SCYL3: variants seen among roughly 807,000 people sequenced by gnomAD.
The protein encoded by SCYL3 is protein-associating with the carboxyl-terminal domain of ezrin.
A neutral mutation model predicts 73.8 loss-of-function variants in SCYL3; 35 were observed. The ratio of observed to expected loss-of-function variants is 0.47; its 90% CI spans 0.36 to 0.63. SCYL3 has a LOEUF of 0.63. Ranked by LOEUF, SCYL3 falls within the 20% of genes least tolerant of loss-of-function variation. The pLI is 0.00. For synonymous variants in SCYL3, 277 were observed against 295.2 expected (o/e 0.94, Z 0.63); for missense variants, 712 against 798.9 (o/e 0.89, Z 1.31).
chr1:169,869,976 C>T (rs927375930), intron 6 of SCYL3, among the ~76,000 whole-genome samples: 1 of 152,160 alleles, frequency 6.6e-6, no homozygotes, highest in Non-Finnish European at 1.5e-5. Flanking sequence ...TACATTTAGA[C>T]CGCTTAAGTA....
intron 12 of SCYL3, 91 bp downstream of exon 12, chr1:169,854,179 A>C: frequency 5.1e-6 from 5 of 973,536 alleles, no homozygotes; most frequent in Non-Finnish European, 7.5e-6. Context: ...GGAAAATAGC[A>C]TGTTGCTTGT....
intron 2 of SCYL3, among the ~76,000 whole-genome samples, chr1:169,880,285 T>G (rs1443414880): frequency 1.3e-5 from 2 of 152,206 alleles, no homozygotes; most frequent in Non-Finnish European, 2.9e-5. Context: ...TAGCCAAATT[T>G]AAATTTTACA....
In SCYL3 at chr1:169,851,313, A is replaced by T. The variant is rs1299301228; in HGVS notation, c.*2400T>A. On this transcript the variant is annotated 3_prime_UTR_variant, in exon 13 of 13. Transcript: ENST00000367771. ...TATATTTTACATATATTACATATAT[A>T]TTTTTTTAGGTGAAATGGGCCCACT... 1 of 152,200 alleles carries T rather than the reference A, an allele frequency of 6.6e-6. No individual in the cohort carries two copies. Among genetic ancestry groups the T allele is most frequent in the Non-Finnish European group, 1.5e-5 (1 of 68,076 alleles). 9.4% of individuals were successfully genotyped at this position (152,200 alleles called of 1,614,324 possible).
Position 169,859,122 on chromosome 1 carries a change from C to T in SCYL3, c.1231G>A (p.Val411Met). The change falls in exon 11 of 13, where the codon GTG becomes ATG. Residue 411 changes from valine to methionine, a missense_variant. Physicochemically the swap from Val to Met is conservative, Grantham distance 21 (BLOSUM62 1). Coordinates refer to ENST00000367771, the MANE Select transcript of SCYL3 (RefSeq NM_020423.7). ...AVLVSLLGPE[V>M]VVGGERTKIF... ...TTGGTTCGTTCTCCTCCCACAACCA[C>T]CTCTGGTCCAAGCAGAGAGACCAGC... 1.2e-6 allele frequency: 2 copies of T among 1,614,074 alleles called. No individual in the cohort carries two copies. Among genetic ancestry groups the T allele is most frequent in the Non-Finnish European group, 1.7e-6 (2 of 1,180,012 alleles).
At chr1:169,864,550 CTG>C in intron 8 of SCYL3, 42 bp from the exon 9 acceptor site, 1 of 1,542,102 alleles carries the variant, frequency 6.5e-7, no homozygotes, top group Non-Finnish European at 8.7e-7. Flanking sequence ...GGTCATGACA[CTG>C]TATCAGCTTA....
rs1441290698 is a variant in SCYL3, at chr1:169,888,704, T to A, written c.137A>T (p.Asn46Ile). The A allele has an allele frequency of 6.2e-7, 1 of 1,614,062 alleles. No homozygotes were observed. The highest frequency in any genetic ancestry group is 8.5e-7 in the Non-Finnish European group (1 of 1,179,934). ...GGCAGCTTTATTAACCTTGTCTTCATTTTCTCTCTTATACACAAAAACTGA... is the reference window on the plus strand; with the variant it reads ...GGCAGCTTTATTAACCTTGTCTTCAATTTCTCTCTTATACACAAAAACTGA... ...FASVFVYKRENEDKVNKAAKH... is the reference protein window; with the variant it reads ...FASVFVYKREIEDKVNKAAKH... The change falls in exon 2 of 13, where the codon AAT (asparagine) becomes ATT (isoleucine). Residue 46 changes from asparagine (N) to isoleucine (I), a missense_variant. Around this residue, in one of 2 missense-constraint regions of SCYL3, gnomAD observed 342 missense variants for 448.1 expected, o/e 0.76. Transcript: ENST00000367771.
chr1:169,893,761 G>T (rs1662259361), intron 1 of SCYL3, 27 bp downstream of exon 1: 1 of 152,224 alleles, frequency 6.6e-6, no homozygotes, highest in East Asian at 1.9e-4. Context: ...GCAAGGACTG[G>T]GGGCGCAGCG....
At chr1:169,866,293 C>G (rs943589631) in intron 8 of SCYL3, among the ~76,000 whole-genome samples, 1 of 152,210 alleles carries the variant, frequency 6.6e-6, no homozygotes, top group Admixed American at 6.5e-5. Flanking sequence ...TATTTACTGC[C>G]TGGACTACCA....
chr1:169,868,213 C>T (rs906085408), intron 7 of SCYL3, among the ~76,000 whole-genome samples: 1 of 152,190 alleles, frequency 6.6e-6, no homozygotes, highest in Non-Finnish European at 1.5e-5. Flanking sequence ...GGGAATAATA[C>T]TAGCCTTCCC....
chr1:169,854,836 G>A lies in SCYL3; in HGVS notation c.1441C>T (p.Pro481Ser), dbSNP rs1362578339. The A allele has an allele frequency of 5.6e-6, 9 of 1,613,880 alleles. No homozygotes were observed. Among genetic ancestry groups the A allele is most frequent in the African/African-American group, 5.3e-5 (4 of 74,886 alleles). Residue 481 changes from proline (P) to serine (S), a missense_variant, in exon 12 of 13, where the codon CCT becomes TCT. By Grantham distance (74) the Pro-to-Ser change is moderately conservative (BLOSUM62 -1). Transcript: ENST00000367771. The stretch of plus-strand genomic sequence containing the variant: ...ACAGTTTGATTTTCAGGCTCCTCAG[G>A]TTCACTCCAGTCAGGCCACTCCTCA... ...KSEEWPDWSEPEEPENQTVNI... is the reference protein window; with the variant it reads ...KSEEWPDWSESEEPENQTVNI...
chr1:169,856,025 T>TG lies in SCYL3; in HGVS notation c.1313-1062dup, dbSNP rs1490283818. The TG allele has an allele frequency of 2.7e-6, 4 of 1,465,318 alleles. No individual in the cohort carries two copies. In the African/African-American group the frequency reaches 5.7e-5, roughly 21 times the overall value. The allele number at this position is 1,465,318 out of a possible 1,614,324, so 90.8% of individuals were successfully genotyped here. A position where few individuals can be genotyped will look rare whatever the true frequency, so the allele number is the denominator to read the frequency against. ...ATTGCTTCTTGATCTATCACATGGTTGGTGGGCATAGTTAAGTGAAATGGG... is the reference window on the plus strand; with the variant it reads ...ATTGCTTCTTGATCTATCACATGGTTGGGTGGGCATAGTTAAGTGAAATGGG... On this transcript the variant is annotated intron_variant, in intron 11 of 12. Transcript: ENST00000367771.
rs537139613 is a variant in SCYL3, at chr1:169,867,478, C to T, written c.738-505G>A. 5.1e-4 allele frequency among the ~76,000 whole-genome samples: 78 copies of T among 152,290 alleles called. 2 individuals are homozygous for T. The highest frequency in any genetic ancestry group is 2.3e-3 in the South Asian group (11 of 4,830). Reference sequence around the variant, plus strand: ...TGTGAGAGGAGTGGTCGGTTTCCTACAGGGCTGCCAGAGAATTCCAAAGGC... The same window carrying T: ...TGTGAGAGGAGTGGTCGGTTTCCTATAGGGCTGCCAGAGAATTCCAAAGGC... On this transcript the variant is annotated intron_variant, in intron 7 of 12. Coordinates refer to ENST00000367771, the MANE Select transcript of SCYL3 (RefSeq NM_020423.7).
chr1:169,879,623 G>C (rs951162992), intron 2 of SCYL3, among the ~76,000 whole-genome samples: 1 of 152,180 alleles, frequency 6.6e-6, no homozygotes, highest in Admixed American at 6.5e-5. Context: ...AAAGAGTTAT[G>C]TGACATCGTA....
intron 10 of SCYL3, among the ~76,000 whole-genome samples, chr1:169,862,403 G>C (rs1050455825): frequency 6.6e-6 from 1 of 152,168 alleles, no homozygotes; most frequent in Non-Finnish European, 1.5e-5. Flanking sequence ...AACAATTATA[G>C]TTTCTCCCAG....
At chr1:169,868,407 A>C (rs1660182563) in intron 7 of SCYL3, among the ~76,000 whole-genome samples, 1 of 152,240 alleles carries the variant, frequency 6.6e-6, no homozygotes, top group South Asian at 2.1e-4. Context: ...AGAAGGGTTC[A>C]AAAATATCTC....
At chr1:169,872,506 A>G (rs1660475203) in intron 5 of SCYL3, among the ~76,000 whole-genome samples, 1 of 152,250 alleles carries the variant, frequency 6.6e-6, no homozygotes, top group Admixed American at 6.5e-5. Context: ...CCCCACACAG[A>G]GTTCCTACTG....
At position 169,851,373 on chromosome 1, in the gene SCYL3, C is replaced by T. The variant is rs180689064; in HGVS notation, c.*2340G>A. On this transcript the variant is annotated 3_prime_UTR_variant, in exon 13 of 13. Transcript: ENST00000367771. ...GAACTTTATTTTTTAGACAGAGTCTCGCTCTGTCGCCCAGATTGGAGTGTG... is the reference window on the plus strand; with the variant it reads ...GAACTTTATTTTTTAGACAGAGTCTTGCTCTGTCGCCCAGATTGGAGTGTG... The T allele has an allele frequency of 1.4e-3, 221 of 153,464 alleles. No individual in the cohort carries two copies. Among genetic ancestry groups the T allele is most frequent in the African/African-American group, 5.1e-3 (211 of 41,480 alleles). The allele number at this position is 153,464 out of a possible 1,614,324, so 9.5% of individuals were successfully genotyped here.
At chr1:169,877,279 C>T (rs565310833) in intron 3 of SCYL3, among the ~76,000 whole-genome samples, 4 of 150,868 alleles carry the variant, frequency 2.7e-5, no homozygotes, top group Non-Finnish European at 4.4e-5. Flanking sequence ...CCTCAGTCTC[C>T]GGTGTAGGGG....
At position 169,866,928 on chromosome 1, in the gene SCYL3, C is replaced by T; in HGVS notation, c.783G>A (p.Leu261=). Residue 261 remains leucine, a synonymous_variant, in exon 8 of 13, where the codon TTG becomes TTA. Coordinates refer to ENST00000367771, the MANE Select transcript of SCYL3 (RefSeq NM_020423.7). ...EVVNFLKSLT[L]KSEEEKTEFF... is the part of the protein sequence containing the mutation. ...ATTCCGTTTTCTCCTCTTCACTCTTCAATGTTAAACTTTTCAAGAAATTCA... is the reference window on the plus strand; with the variant it reads ...ATTCCGTTTTCTCCTCTTCACTCTTTAATGTTAAACTTTTCAAGAAATTCA... 5.7e-6 allele frequency: 9 copies of T among 1,585,554 alleles called. No individual in the cohort carries two copies. The highest frequency in any genetic ancestry group is 7.7e-6 in the Non-Finnish European group (9 of 1,163,900).
Sources: allele counts gnomAD v4.1 joint callset (sites outside exome capture counted in the v4.1 genomes callset), GRCh38; gene constraint gnomAD v4.1.1; regional missense constraint gnomAD v4.1.1; transcripts MANE v1.5; gene names NCBI Gene and HGNC (gene_info 2026-07-23, HGNC 2026-07-21).